Variants in MUC4 observed in about 807,000 individuals in gnomAD.
The protein encoded by MUC4 is mucin-4.
MUC4 carries 202 observed loss-of-function variants against 257.9 expected under a neutral mutation model. That is an observed-to-expected ratio of 0.78 (90% CI 0.70 to 0.88). MUC4 has a LOEUF of 0.88. Ranked by LOEUF, MUC4 falls within the 40% of genes least tolerant of loss-of-function variation. MUC4 has a pLI of 0.00. For synonymous variants in MUC4, 2,351 were observed against 2,757.1 expected, an observed-to-expected ratio of 0.85 and a Z score of 4.62; for missense variants, 5,976 against 6,513.7, an observed-to-expected ratio of 0.92 and a Z score of 2.84.
At chr3:195,792,284 GA>G (rs577393631) in intron 1 of MUC4, among the ~76,000 whole-genome samples, 1 of 151,800 alleles carries the variant, frequency 6.6e-6, no homozygotes, top group Non-Finnish European at 1.5e-5. Context: ...AAATTTACAA[GA>G]AAAAAATAAA....
chr3:195,791,029 C>G lies in MUC4; in HGVS notation c.551G>C (p.Trp184Ser), dbSNP rs1241532418. ...GQEGQSRTTS[W>S]RTSIQDTSAS... ...TGATGTGTCTTGGATAGAGGTCCTCCAGGAAGTTGTTCGTGATTGTCCTTC... is the reference window on the plus strand; with the variant it reads ...TGATGTGTCTTGGATAGAGGTCCTCGAGGAAGTTGTTCGTGATTGTCCTTC... The change falls in exon 2 of 25, where the codon TGG becomes TCG. Residue 184 changes from tryptophan (W) to serine (S), a missense_variant. Physicochemically the swap from Trp to Ser is radical, Grantham distance 177. Transcript: ENST00000463781. The G allele has an allele frequency of 6.2e-7, 1 of 1,613,476 alleles. No homozygotes were observed. Among genetic ancestry groups the G allele is most frequent in the African/African-American group, 1.3e-5 (1 of 74,756 alleles).
chr3:195,768,318 T>C (rs1023725676), intron 7 of MUC4, among the ~76,000 whole-genome samples: 1 of 152,220 alleles, frequency 6.6e-6, no homozygotes, highest in African/African-American at 2.4e-5. Flanking sequence ...GCCTTCGTAC[T>C]GATTGCCACA....
In MUC4 at chr3:195,764,075, C is replaced by T. The variant is rs1719865600; in HGVS notation, c.14014G>A (p.Gly4672Ser). The T allele has an allele frequency of 6.2e-7, 1 of 1,610,092 alleles. No individual in the cohort carries two copies. Among genetic ancestry groups the T allele is most frequent in the Admixed American group, 1.7e-5 (1 of 59,674 alleles). Residue 4672 changes from glycine (G) to serine (S), a missense_variant, in exon 11 of 25, where the codon GGC (glycine) becomes AGC (serine). This residue lies in a region of MUC4 where 996 missense variants were observed against 1,137.3 expected (regional missense o/e 0.88). Coordinates refer to ENST00000463781, the MANE Select transcript of MUC4 (RefSeq NM_018406.7). ...ALYQQRRPHV[G>S]CATYRPPQPA... is the part of the protein sequence containing the mutation. ...TGTGGGGGCCTGTATGTAGCACAGC[C>T]CACGTGGGGCCGCCTCTGCTGGTAC...
In MUC4 at chr3:195,791,404, G is replaced by A. The variant is rs1733850022; in HGVS notation, c.176C>T (p.Thr59Ile). Reference sequence around the variant, plus strand: ...ATTAGAGGTCCTTGAAGAAGCTGCAGTTGATTGTCCCTCTAGTGTCGCTGT... The same window carrying A: ...ATTAGAGGTCCTTGAAGAAGCTGCAATTGATTGTCCCTCTAGTGTCGCTGT... ...STTATLEGQS[T>I]AASSRTSNQD... is the part of the protein sequence containing the mutation. Residue 59 changes from threonine (T) to isoleucine (I), a missense_variant, in exon 2 of 25, where the codon ACT (threonine) becomes ATT (isoleucine). Around this residue, in one of 44 missense-constraint regions of MUC4, gnomAD observed 1,583 missense variants for 1,257.4 expected, o/e 1.26. Coordinates refer to ENST00000463781, the MANE Select transcript of MUC4 (RefSeq NM_018406.7). 6.2e-7 allele frequency: 1 copy of A among 1,613,910 alleles called. No individual in the cohort carries two copies. The highest frequency in any genetic ancestry group is 1.3e-5 in the African/African-American group (1 of 74,912).
At chr3:195,767,886 TCACCACCAC>T (rs1224448233) in intron 7 of MUC4, among the ~76,000 whole-genome samples, 1 of 69,870 alleles carries the variant, frequency 1.4e-5, no homozygotes, top group Non-Finnish European at 2.7e-5. Flanking sequence ...ATCACCACCA[TCACCACCAC>T]CATCACCACC....
At chr3:195,752,484 G>A in intron 20 of MUC4, 38 bp from the exon 21 acceptor site, 4 of 1,581,372 alleles carry the variant, frequency 2.5e-6, no homozygotes, top group Non-Finnish European at 3.5e-6. Flanking sequence ...TCACCCCACG[G>A]TTTACCCAGA....
chr3:195,761,707 T>G (rs1718950761), intron 14 of MUC4, 122 bp from the exon 15 acceptor site: 3 of 750,604 alleles, frequency 4.0e-6, no homozygotes, highest in Admixed American at 2.4e-5. Context: ...GCACCTGCTG[T>G]CAGGCCTCCA....
chr3:195,774,089 G>A (rs373693929), intron 4 of MUC4, 83 bp downstream of exon 4: 20 of 1,437,576 alleles, frequency 1.4e-5, no homozygotes, highest in Non-Finnish European at 1.7e-5. Flanking sequence ...TTCCATTCCC[G>A]CTTCCTCTGG....
intron 7 of MUC4, among the ~76,000 whole-genome samples, chr3:195,767,865 A>ACAC (rs1304517614): frequency 3.8e-3 from 196 of 52,156 alleles, no homozygotes; most frequent in Non-Finnish European, 6.4e-3. Context: ...ATCACCCCCA[A>ACAC]CACCACCACC....
chr3:195,805,536 A>G (rs1482959064), intron 1 of MUC4, among the ~76,000 whole-genome samples: 1 of 152,004 alleles, frequency 6.6e-6, no homozygotes, highest in Non-Finnish European at 1.5e-5. Context: ...GCCTCTCCAC[A>G]GTGGTTAGCC....
chr3:195,789,500 T>C lies in MUC4; in HGVS notation c.2080A>G (p.Thr694Ala), dbSNP rs201534662. The C allele has an allele frequency of 1.9e-3, 3,077 of 1,613,448 alleles. 7 individuals carry two copies. The highest frequency in any genetic ancestry group is 2.4e-3 in the Non-Finnish European group (2,798 of 1,179,722). The change falls in exon 2 of 25, where the codon ACC becomes GCC. Residue 694 changes from threonine (T) to alanine (A), a missense_variant. Physicochemically the swap from Thr to Ala is moderately conservative, Grantham distance 58. Transcript: ENST00000463781. ...QDAPTISAATTFAPAPTGDGH... is the reference protein window; with the variant it reads ...QDAPTISAATAFAPAPTGDGH... ...TCCCCGGTGGGAGCTGGGGCAAAGGTTGTTGCTGCACTTATGGTGGGTGCG... is the reference window on the plus strand; with the variant it reads ...TCCCCGGTGGGAGCTGGGGCAAAGGCTGTTGCTGCACTTATGGTGGGTGCG...
In MUC4 at chr3:195,782,190, G is replaced by C; in HGVS notation, c.9390C>G (p.Ser3130=). Residue 3130 remains serine, a synonymous_variant, in exon 2 of 25, where the codon TCC becomes TCG. Transcript: ENST00000463781. ...PLPVTDTSSA[S]TGQATALPVT... Reference sequence around the variant, plus strand: ...CAGGAAGAGCGGTGGCCTGACCTGTGGATGCTGAGGAAGTGTCGGTGACAG... The same window carrying C: ...CAGGAAGAGCGGTGGCCTGACCTGTCGATGCTGAGGAAGTGTCGGTGACAG... 7.2e-7 allele frequency: 1 copy of C among 1,385,264 alleles called. No individual in the cohort carries two copies. Among genetic ancestry groups the C allele is most frequent in the South Asian group, 1.3e-5 (1 of 74,116 alleles). The allele number at this position is 1,385,264 out of a possible 1,614,324, so 85.8% of individuals were successfully genotyped here.
chr3:195,761,594 C>G lies in MUC4; in HGVS notation c.14513-9G>C. ...ATTGTTATTCCAGACCCCTGAGGGA[C>G]AGAGTGGGAGGTTGGCCACCCTGGG... On this transcript the variant is annotated splice_polypyrimidine_tract_variant and intron_variant, in intron 14 of 24. Coordinates refer to ENST00000463781, the MANE Select transcript of MUC4 (RefSeq NM_018406.7). 6.2e-7 allele frequency: 1 copy of G among 1,611,266 alleles called. No homozygotes were observed.
chr3:195,752,250 C>T (rs527520142), intron 21 of MUC4, 123 bp downstream of exon 21: 44 of 926,718 alleles, frequency 4.7e-5, no homozygotes, highest in East Asian at 9.8e-5. Context: ...CAAGAGGCTC[C>T]GGCCTCCTCT....
chr3:195,768,895 C>T lies in MUC4; in HGVS notation c.13529+127G>A, dbSNP rs770324410. 112 of 1,251,626 alleles carry T rather than the reference C, an allele frequency of 8.9e-5. No individual in the cohort carries two copies. In the East Asian group the frequency reaches 9.0e-4, roughly 10 times the overall value. The allele number at this position is 1,251,626 out of a possible 1,614,324, so 77.5% of individuals were successfully genotyped here. A position where few individuals can be genotyped will look rare whatever the true frequency, so the allele number is the denominator to read the frequency against. On this transcript the variant is annotated intron_variant, in intron 7 of 24. Transcript: ENST00000463781. ...TGGCCCCAGCGGGAGCTGGAGTCAG[C>T]GTGAGTCAGAAGCACCAGCCAGGAG...
chr3:195,778,715 T>C, intron 2 of MUC4, 75 bp downstream of exon 2: 1 of 1,455,760 alleles, frequency 6.9e-7, no homozygotes, highest in Non-Finnish European at 9.3e-7. Flanking sequence ...GCACCAGTGT[T>C]CTCAGGTACT....
intron 1 of MUC4, among the ~76,000 whole-genome samples, chr3:195,802,515 A>C (rs1055150193): frequency 4.7e-5 from 7 of 148,240 alleles, no homozygotes; most frequent in African/African-American, 1.5e-4. Flanking sequence ...CCTGCCCTGG[A>C]AGGTGTCTGG....
intron 15 of MUC4, 71 bp downstream of exon 15, chr3:195,761,413 C>G: frequency 7.6e-7 from 1 of 1,319,084 alleles, no homozygotes; most frequent in Non-Finnish European, 1.1e-6. Context: ...CCTACAGGGC[C>G]GAGGGGGACG....
rs1368302874 is a variant in MUC4 at position 195,785,798 on chromosome 3, A to T, written c.5782T>A (p.Ser1928Thr). 1 of 1,505,560 alleles carries T rather than the reference A, an allele frequency of 6.6e-7. No homozygotes were observed. Among genetic ancestry groups the T allele is most frequent in the South Asian group, 1.2e-5 (1 of 82,228 alleles). The allele number at this position is 1,505,560 out of a possible 1,614,324, so 93.3% of individuals were successfully genotyped here. Residue 1928 changes from serine (S) to threonine (T), a missense_variant, in exon 2 of 25, where the codon TCA (serine) becomes ACA (threonine). Ser to Thr is a moderately conservative substitution (Grantham distance 58, BLOSUM62 1). This residue lies in a region of MUC4 where 87 missense variants were observed against 104.6 expected (regional missense o/e 0.83). Transcript: ENST00000463781. ...GGCGTGGTGTCACCTGTGGATGCTG[A>T]GGAAAGGCTGGTGACAGGAAGAGAG... ...ATSLPVTSLS[S>T]ASTGDTTPLP...
Sources: gnomAD v4.1 joint callset for allele counts (sites outside exome capture counted in the v4.1 genomes callset) on GRCh38, gnomAD v4.1.1 for gene constraint, gnomAD v4.1.1 regional missense constraint, MANE v1.5 for transcripts, NCBI Gene and HGNC (gene_info 2026-07-23, HGNC 2026-07-21) for gene names.